POU6F2: variants seen among roughly 807,000 people sequenced by gnomAD.
POU6F2 encodes the protein POU class 6 homeobox 2.
POU6F2 carries 31 observed loss-of-function variants against 71.3 expected under a neutral mutation model. The observed-to-expected ratio is 0.43, with a 90% confidence interval of 0.33 to 0.59. POU6F2 has a LOEUF of 0.59. Ranked by LOEUF, POU6F2 falls within the 20% of genes least tolerant of loss-of-function variation. The pLI, the probability that POU6F2 is intolerant of heterozygous loss-of-function variation, is 0.04. For missense variants in POU6F2, 783 were observed against 856.8 expected (o/e 0.91, Z 1.07); for synonymous variants, 347 against 355.7 (o/e 0.98, Z 0.27).
At chr7:39,413,157 CA>C (rs988056076) in intron 6 of POU6F2, among the ~76,000 whole-genome samples, 1 of 150,036 alleles carries the variant, frequency 6.7e-6, no homozygotes, top group Non-Finnish European at 1.5e-5. Flanking sequence ...GAAGCAGCCA[CA>C]AAAAAAATAA....
chr7:39,374,140 T>G (rs1562806838), intron 5 of POU6F2, among the ~76,000 whole-genome samples: 1 of 152,182 alleles, frequency 6.6e-6, no homozygotes, highest in Non-Finnish European at 1.5e-5. Flanking sequence ...TTGTTCAACT[T>G]TACGTCACTG....
intron 1 of POU6F2, among the ~76,000 whole-genome samples, chr7:39,007,290 A>C (rs1216688979): frequency 2.0e-5 from 3 of 152,208 alleles, no homozygotes; most frequent in Non-Finnish European, 4.4e-5. Context: ...TTTGAGTATT[A>C]CTTGACACTT....
intron 2 of POU6F2, among the ~76,000 whole-genome samples, chr7:39,163,872 T>A (rs1330200850): frequency 6.6e-6 from 1 of 152,148 alleles, no homozygotes. Flanking sequence ...ACAGCATGCA[T>A]GAACCAGAGG....
At chr7:39,283,284 C>T (rs1784594913) in intron 4 of POU6F2, among the ~76,000 whole-genome samples, 2 of 151,756 alleles carry the variant, frequency 1.3e-5, no homozygotes, top group Admixed American at 1.3e-4. Flanking sequence ...TTTCTCTTTC[C>T]CAATTACTAA....
At chr7:39,198,487 A>T (rs1052578037) in intron 2 of POU6F2, among the ~76,000 whole-genome samples, 7 of 152,212 alleles carry the variant, frequency 4.6e-5, no homozygotes, top group Admixed American at 4.6e-4. Flanking sequence ...CTGGAGCCAG[A>T]TAAGTCACTC....
intron 1 of POU6F2, among the ~76,000 whole-genome samples, chr7:39,029,247 A>G (rs939132220): frequency 1.3e-5 from 2 of 152,010 alleles, no homozygotes; most frequent in African/African-American, 4.8e-5. Context: ...ATCTTGCCAA[A>G]CTTTCTAGTA....
chr7:39,085,842 T>G lies in POU6F2; in HGVS notation c.106-18T>G. ...CCACTTTTTTTTTCCTCCCCTTCAC[T>G]CTTTTCGCCCATCCTAGGATCCAAT... On this transcript the variant is annotated intron_variant, in intron 1 of 9. Coordinates refer to ENST00000518318, the MANE Select transcript of POU6F2 (RefSeq NM_001370959.1). 6.2e-7 allele frequency: 1 copy of G among 1,612,588 alleles called. No individual in the cohort carries two copies. Among genetic ancestry groups the G allele is most frequent in the Non-Finnish European group, 8.5e-7 (1 of 1,179,344 alleles).
At position 39,186,267 on chromosome 7, in the gene POU6F2, C is replaced by T. The variant is rs187800894; in HGVS notation, c.278-17968C>T. ...GGAATCCCCAAGCATAGCTCTCCTGCGGGGCAAGGACTGAGAGCTACTGGG... is the reference window on the plus strand; with the variant it reads ...GGAATCCCCAAGCATAGCTCTCCTGTGGGGCAAGGACTGAGAGCTACTGGG... On this transcript the variant is annotated intron_variant, in intron 2 of 9. Transcript: ENST00000518318. Among the ~76,000 whole-genome samples the T allele has an allele frequency of 5.4e-4, 82 of 152,246 alleles. No individual in the cohort carries two copies. The East Asian group carries it at 0.014, about 27-fold the overall frequency.
At chr7:39,337,883 G>A (rs566278587) in intron 4 of POU6F2, among the ~76,000 whole-genome samples, 2 of 152,254 alleles carry the variant, frequency 1.3e-5, no homozygotes, top group Admixed American at 6.5e-5. Context: ...ATGAACTTAC[G>A]GATATGGAGG....
intron 7 of POU6F2, among the ~76,000 whole-genome samples, chr7:39,435,251 C>T (rs1394582228): frequency 6.6e-6 from 1 of 152,204 alleles, no homozygotes; most frequent in African/African-American, 2.4e-5. Flanking sequence ...TTCCCACCAA[C>T]AGTGTAAACA....
At chr7:39,418,665 G>A (rs1176524677) in intron 6 of POU6F2, among the ~76,000 whole-genome samples, 1 of 151,520 alleles carries the variant, frequency 6.6e-6, no homozygotes, top group Non-Finnish European at 1.5e-5. Context: ...ACTCCAGCCT[G>A]GGTGACAGAG....
chr7:39,012,640 C>T (rs183689016), intron 1 of POU6F2, among the ~76,000 whole-genome samples: 14 of 151,222 alleles, frequency 9.3e-5, no homozygotes, highest in Non-Finnish European at 1.5e-4. Flanking sequence ...CTGTTTTTTT[C>T]CCCATCTTTG....
intron 5 of POU6F2, among the ~76,000 whole-genome samples, chr7:39,401,787 A>G (rs555405935): frequency 4.6e-5 from 7 of 152,220 alleles, no homozygotes; most frequent in African/African-American, 7.2e-5. Flanking sequence ...CCAGGGTTCT[A>G]AATTGAAAAG....
intron 5 of POU6F2, among the ~76,000 whole-genome samples, chr7:39,358,014 CAA>C (rs2115698133): frequency 1.3e-5 from 2 of 152,166 alleles, no homozygotes; most frequent in South Asian, 4.2e-4. Flanking sequence ...ACCTGTAGAT[CAA>C]AAGACACAGC....
intron 7 of POU6F2, among the ~76,000 whole-genome samples, chr7:39,446,627 A>G (rs1329052602): frequency 6.6e-6 from 1 of 152,230 alleles, no homozygotes; most frequent in Non-Finnish European, 1.5e-5. Flanking sequence ...AATATATTAA[A>G]CACCCTGGCA....
intron 2 of POU6F2, among the ~76,000 whole-genome samples, chr7:39,184,926 A>T (rs1793502997): frequency 6.6e-6 from 1 of 152,204 alleles, no homozygotes; most frequent in Non-Finnish European, 1.5e-5. Flanking sequence ...AAAAAGTTAG[A>T]TATACAAGCA....
At chr7:39,259,442 C>T (rs1333060680) in intron 4 of POU6F2, among the ~76,000 whole-genome samples, 4 of 152,016 alleles carry the variant, frequency 2.6e-5, no homozygotes, top group African/African-American at 9.7e-5. Flanking sequence ...TGTTGGGCCC[C>T]GAGTAGGGAG....
At chr7:39,002,182 C>T (rs934284936) in intron 1 of POU6F2, 4 of 152,162 alleles carry the variant, frequency 2.6e-5, no homozygotes, top group Non-Finnish European at 2.9e-5. Context: ...AGCAATACTT[C>T]TAGAGTTTAC....
chr7:39,233,578 T>G (rs1275741305), intron 4 of POU6F2, among the ~76,000 whole-genome samples: 1 of 152,162 alleles, frequency 6.6e-6, no homozygotes, highest in African/African-American at 2.4e-5. Flanking sequence ...GGCTAGAGGA[T>G]GATGATCTGG....
Sources: allele counts gnomAD v4.1 joint callset (sites outside exome capture counted in the v4.1 genomes callset), GRCh38; gene constraint gnomAD v4.1.1; transcripts MANE v1.5; gene names NCBI Gene and HGNC (gene_info 2026-07-23, HGNC 2026-07-21).